Variants in MEGF6 observed in about 807,000 individuals in gnomAD.
MEGF6 encodes the protein multiple epidermal growth factor-like domains protein 6.
In MEGF6, 184 loss-of-function variants were observed where a neutral mutation model predicts 207.1. That is an observed-to-expected ratio of 0.89 (90% CI 0.79 to 1.00). The LOEUF (loss-of-function observed/expected upper bound fraction) is 1.00, where lower values mean the gene tolerates loss of function less well. Ranked by LOEUF, MEGF6 falls within the 50% of genes least tolerant of loss-of-function variation. The pLI is 0.00. For synonymous variants in MEGF6, 1,038 were observed against 910.0 expected (o/e 1.14, Z -2.53); for missense variants, 2,282 against 2,202.9 (o/e 1.04, Z -0.72).
intron 4 of MEGF6, among the ~76,000 whole-genome samples, chr1:3,571,473 G>T (rs970217790): frequency 4.6e-5 from 7 of 151,802 alleles, no homozygotes; most frequent in African/African-American, 9.7e-5. Context: ...CCCCAAGGGT[G>T]CTGGGTCCTC....
chr1:3,517,764 G>A (rs564572303), intron 5 of MEGF6, among the ~76,000 whole-genome samples: 7 of 152,350 alleles, frequency 4.6e-5, no homozygotes, highest in Admixed American at 1.3e-4. Flanking sequence ...CCCATCAGAC[G>A]TGGACTGGGG....
At chr1:3,501,976 G>A (rs1640894979) in intron 17 of MEGF6, 55 bp from the exon 18 acceptor site, 1 of 1,108,092 alleles carries the variant, frequency 9.0e-7, no homozygotes, top group Non-Finnish European at 1.1e-6. Flanking sequence ...GGACTGACCA[G>A]AGCCTTTCCC....
chr1:3,579,472 A>G (rs72853598), intron 4 of MEGF6, among the ~76,000 whole-genome samples: 2,427 of 152,304 alleles, frequency 0.016, 56 homozygotes, highest in African/African-American at 0.054. Flanking sequence ...ACGACAGTTC[A>G]GCAAGGTGGC....
chr1:3,571,495 G>T (rs939053074), intron 4 of MEGF6, among the ~76,000 whole-genome samples: 5 of 151,790 alleles, frequency 3.3e-5, no homozygotes, highest in Non-Finnish European at 7.4e-5. Context: ...CGGCTCCAAA[G>T]GCCAGAGAGC....
chr1:3,494,250 T>TC (rs1640502886), intron 32 of MEGF6, 121 bp downstream of exon 32: 2 of 1,464,582 alleles, frequency 1.4e-6, no homozygotes, highest in South Asian at 2.8e-5. Flanking sequence ...TCCTCGTCCC[T>TC]CCCCACTGCT....
chr1:3,510,137 T>A, intron 10 of MEGF6, 145 bp from the exon 11 acceptor site: 1 of 1,168,508 alleles, frequency 8.6e-7, no homozygotes, highest in Non-Finnish European at 1.2e-6. Context: ...CCAGTAAAAC[T>A]CACCCTCAGC....
In MEGF6 at chr1:3,611,218, C is replaced by G. The variant is rs537050737; in HGVS notation, c.51G>C (p.Ala17=). 4 of 1,547,352 alleles carry G rather than the reference C, an allele frequency of 2.6e-6. No individual in the cohort carries two copies. In the Admixed American group the frequency reaches 5.6e-5, roughly 22 times the overall value. The part of the protein sequence containing the change: ...ARAAGRAVVL[A]LVLLLLPAVP... Reference sequence around the variant, plus strand: ...CGGCGGGGAGCAGCAGCAGCACCAACGCCAGGACCACCGCGCGCCCCGCTG... The same window carrying G: ...CGGCGGGGAGCAGCAGCAGCACCAAGGCCAGGACCACCGCGCGCCCCGCTG... The change falls in exon 1 of 37, where the codon GCG becomes GCC. Residue 17 remains alanine (A), a synonymous_variant. Coordinates refer to ENST00000356575, the MANE Select transcript of MEGF6 (RefSeq NM_001409.4).
chr1:3,533,871 G>T (rs1380700010), intron 4 of MEGF6, among the ~76,000 whole-genome samples: 1 of 152,176 alleles, frequency 6.6e-6, no homozygotes, highest in Non-Finnish European at 1.5e-5. Context: ...TTGAAGGGAT[G>T]CTGTCTCCCA....
chr1:3,517,616 T>G (rs1641595640), intron 5 of MEGF6, among the ~76,000 whole-genome samples: 1 of 152,212 alleles, frequency 6.6e-6, no homozygotes, highest in African/African-American at 2.4e-5. Context: ...GCTAGGGATG[T>G]GTCCAGACCC....
chr1:3,523,735 G>A (rs1247275198), intron 5 of MEGF6, among the ~76,000 whole-genome samples: 2 of 152,212 alleles, frequency 1.3e-5, no homozygotes, highest in Non-Finnish European at 2.9e-5. Flanking sequence ...AAATGTAGGG[G>A]ACATCACAAC....
At chr1:3,605,156 A>AG (rs1237679112) in intron 1 of MEGF6, among the ~76,000 whole-genome samples, 2 of 151,570 alleles carry the variant, frequency 1.3e-5, no homozygotes, top group South Asian at 2.1e-4. Context: ...ACACACTCAC[A>AG]GTCACATACA....
At chr1:3,595,237 G>A (rs191770290) in intron 3 of MEGF6, 101 bp downstream of exon 3, 1 of 779,772 alleles carries the variant, frequency 1.3e-6, no homozygotes, top group East Asian at 2.6e-5. Context: ...CGTGTTGCTG[G>A]GGAAGGGCGA....
At chr1:3,574,572 T>C (rs1382969320) in intron 4 of MEGF6, among the ~76,000 whole-genome samples, 3 of 8,434 alleles carry the variant, frequency 3.6e-4, no homozygotes, top group Non-Finnish European at 6.3e-4. Context: ...CCCCTTTGAC[T>C]GGTGCCGGGG....
At chr1:3,517,621 A>G (rs1226767965) in intron 5 of MEGF6, among the ~76,000 whole-genome samples, 2 of 152,222 alleles carry the variant, frequency 1.3e-5, no homozygotes, top group African/African-American at 2.4e-5. Flanking sequence ...GGATGTGTCC[A>G]GACCCCTCGG....
chr1:3,522,598 T>G (rs1570042732), intron 5 of MEGF6, among the ~76,000 whole-genome samples: 3 of 99,090 alleles, frequency 3.0e-5, no homozygotes, highest in African/African-American at 4.4e-5. Flanking sequence ...GAGTGATGGG[T>G]GGGTGGGCAG....
chr1:3,554,297 C>T (rs560496842), intron 4 of MEGF6, among the ~76,000 whole-genome samples: 2 of 152,254 alleles, frequency 1.3e-5, no homozygotes, highest in Non-Finnish European at 2.9e-5. Context: ...CAGGCGGCTC[C>T]GAGAGAGTGT....
intron 1 of MEGF6, among the ~76,000 whole-genome samples, chr1:3,605,555 C>T (rs927098107): frequency 4.5e-5 from 5 of 111,404 alleles, no homozygotes; most frequent in African/African-American, 1.4e-4. Flanking sequence ...TATTCTCATA[C>T]ACTCATACAC....
rs766070029 is a variant in MEGF6 at position 3,511,671 on chromosome 1, G to C, written c.993C>G (p.Ile331Met). Residue 331 changes from isoleucine (I) to methionine (M), a missense_variant, in exon 9 of 37, where the codon ATC becomes ATG. Transcript: ENST00000356575. ...GRQCYRIEME[I>M]VNSCEANNGG... is the part of the protein sequence containing the mutation. The stretch of plus-strand genomic sequence containing the variant: ...CGTTGTTGGCCTCACAGCTGTTCAC[G>C]ATTTCCATCTCAATCCCTGCCGTGA... 6.2e-7 allele frequency: 1 copy of C among 1,608,768 alleles called. No homozygotes were observed. The highest frequency in any genetic ancestry group is 8.5e-7 in the Non-Finnish European group (1 of 1,176,618).
intron 4 of MEGF6, among the ~76,000 whole-genome samples, chr1:3,550,430 G>A (rs1298274411): frequency 6.6e-6 from 1 of 152,236 alleles, no homozygotes; most frequent in Non-Finnish European, 1.5e-5. Flanking sequence ...CTGGGAGGGT[G>A]AGGAAAATGT....
Sources: gnomAD v4.1 joint callset for allele counts (sites outside exome capture counted in the v4.1 genomes callset) on GRCh38, gnomAD v4.1.1 for gene constraint, MANE v1.5 for transcripts, NCBI Gene and HGNC (gene_info 2026-07-23, HGNC 2026-07-21) for gene names.